Variants in NFAM1 observed in about 807,000 individuals in gnomAD.
NFAM1 encodes NFAT activating protein with ITAM motif 1.
Under a neutral mutation model 29.0 loss-of-function variants are expected in NFAM1, and 17 were observed. The observed-to-expected ratio is 0.59, with a 90% CI of 0.40 to 0.88. The LOEUF is 0.88. Among genes scored for constraint, NFAM1 ranks in the 40% least tolerant of loss-of-function variants. The pLI is 0.00. For synonymous variants in NFAM1, 175 were observed against 147.2 expected (o/e 1.19, Z -1.36); for missense variants, 324 against 344.6 (o/e 0.94, Z 0.47).
rs7288411 is a variant in NFAM1 at position 42,419,352 on chromosome 22, G to A, written c.122-7616C>T. ...AACCGGCAGGGGCTCCCTGCTGGAG[G>A]AGACCCAGGAAGGAGTCTGAAATCA... On this transcript the variant is annotated intron_variant, in intron 1 of 5. Coordinates refer to ENST00000329021, the MANE Select transcript of NFAM1 (RefSeq NM_145912.8). This position sits in a 1 kb window ranked among gnomAD's most constrained non-coding sequence, Gnocchi z 4.5. 0.4 allele frequency among the ~76,000 whole-genome samples: 60,929 copies of A among 151,826 alleles called. 12,862 individuals are homozygous for A. The highest frequency in any genetic ancestry group is 0.54 in the African/African-American group (22,329 of 41,386).
At chr22:42,436,810 C>T (rs1004864655), upstream of NFAM1, 2 of 183,440 alleles carry the variant, frequency 1.1e-5, no homozygotes, top group Middle Eastern at 2.8e-3. Context: ...GGCCACACAG[C>T]GAAGACGCAG....
chr22:42,382,927 G>A lies in NFAM1; in HGVS notation c.*2234C>T, dbSNP rs1929005731. The A allele has an allele frequency of 6.5e-6, 1 of 152,850 alleles. No homozygotes were observed. Among genetic ancestry groups the A allele is most frequent in the South Asian group, 2.1e-4 (1 of 4,848 alleles). 9.5% of individuals were successfully genotyped at this position (152,850 alleles called of 1,614,324 possible). On this transcript the variant is annotated 3_prime_UTR_variant, in exon 6 of 6. Coordinates refer to ENST00000329021, the MANE Select transcript of NFAM1 (RefSeq NM_145912.8). ...CTGGCAATGTCTCTGTCCACCAGAG[G>A]GGTGATGGGTCAGCCCCCAAGAACC...
At chr22:42,422,774 G>A (rs1425459673) in intron 1 of NFAM1, among the ~76,000 whole-genome samples, 1 of 152,092 alleles carries the variant, frequency 6.6e-6, no homozygotes, top group Non-Finnish European at 1.5e-5. Context: ...CCAAAAGGGT[G>A]AGGTTGGGTC....
At chr22:42,389,084 A>G (rs936797285) in intron 4 of NFAM1, among the ~76,000 whole-genome samples, 6 of 152,132 alleles carry the variant, frequency 3.9e-5, no homozygotes, top group African/African-American at 7.2e-5. Context: ...TCTGAGCTGG[A>G]TGATTCTGGT....
chr22:42,436,919 C>T, upstream of NFAM1: 1 of 690,686 alleles, frequency 1.4e-6, no homozygotes, highest in Non-Finnish European at 1.8e-6. Context: ...TACGCCTCAG[C>T]TGACATATTT....
chr22:42,384,797 C>A lies in NFAM1; in HGVS notation c.*364G>T. 1 of 327,464 alleles carries A rather than the reference C, an allele frequency of 3.1e-6. No individual in the cohort carries two copies. Among genetic ancestry groups the A allele is most frequent in the Non-Finnish European group, 5.8e-6 (1 of 171,488 alleles). 20.3% of individuals were successfully genotyped at this position (327,464 alleles called of 1,614,324 possible). ...GCTGCCCTACTGGCTGAGGTGCAGGCTGGTGCCAAGAGAGCATGCTGCTCT... is the reference window on the plus strand; with the variant it reads ...GCTGCCCTACTGGCTGAGGTGCAGGATGGTGCCAAGAGAGCATGCTGCTCT... On this transcript the variant is annotated 3_prime_UTR_variant, in exon 6 of 6. Transcript: ENST00000329021.
At chr22:42,392,096 C>T (rs561639148) in intron 4 of NFAM1, among the ~76,000 whole-genome samples, 2 of 152,056 alleles carry the variant, frequency 1.3e-5, no homozygotes, top group East Asian at 3.9e-4. Flanking sequence ...TCTTCAGAAC[C>T]TTGTGGCTAA....
At chr22:42,430,556 C>CAA (rs10684230) in intron 1 of NFAM1, among the ~76,000 whole-genome samples, 8,575 of 72,010 alleles carry the variant, frequency 0.12, 575 homozygotes, top group South Asian at 0.26. Flanking sequence ...GTGAAACTCT[C>CAA]AAAAAAAAAA....
upstream of NFAM1, chr22:42,437,033 G>C (rs1049866564): frequency 1.0e-6 from 1 of 983,152 alleles, no homozygotes; most frequent in Non-Finnish European, 1.2e-6. Context: ...TCAGTTTCTG[G>C]GAGGCAGCAA....
chr22:42,430,706 G>A (rs1274340733), intron 1 of NFAM1, among the ~76,000 whole-genome samples: 5 of 151,926 alleles, frequency 3.3e-5, no homozygotes, highest in African/African-American at 9.7e-5. Flanking sequence ...GGAGGGGGTG[G>A]CACTGGGAAT....
chr22:42,421,340 C>T (rs1930437283), intron 1 of NFAM1, among the ~76,000 whole-genome samples: 1 of 150,906 alleles, frequency 6.6e-6, no homozygotes, highest in African/African-American at 2.4e-5. Context: ...CCTGTAATCC[C>T]AGCTACTCGG....
At chr22:42,392,496 G>A (rs1929378502) in intron 4 of NFAM1, among the ~76,000 whole-genome samples, 1 of 152,146 alleles carries the variant, frequency 6.6e-6, no homozygotes, top group African/African-American at 2.4e-5. Flanking sequence ...GAAGGTGAGA[G>A]GGCTCTGTCA....
At chr22:42,410,725 A>C (rs7287634) in intron 2 of NFAM1, among the ~76,000 whole-genome samples, 14,064 of 151,878 alleles carry the variant, frequency 0.093, 845 homozygotes, top group African/African-American at 0.15. Context: ...TGTATTATAC[A>C]TGAGCCAAGT....
chr22:42,419,603 C>T lies in NFAM1; in HGVS notation c.122-7867G>A, dbSNP rs972046676. 6.6e-6 allele frequency among the ~76,000 whole-genome samples: 1 copy of T among 152,178 alleles called. No individual in the cohort carries two copies. The highest frequency in any genetic ancestry group is 1.5e-5 in the Non-Finnish European group (1 of 67,998). ...TTGCCTCCCAGGACCTGCACAGCCC[C>T]GCTCAGCTGCTCTCTGGCCCTCACT... is the stretch of plus-strand genomic sequence containing the variant. On this transcript the variant is annotated intron_variant, in intron 1 of 5. Coordinates refer to ENST00000329021, the MANE Select transcript of NFAM1 (RefSeq NM_145912.8). This position sits in a 1 kb window ranked among gnomAD's most constrained non-coding sequence, Gnocchi z 4.5.
rs1347708624 is a variant in NFAM1, at chr22:42,388,165, C to T, written c.664-1087G>A. ...GAGACCTCAGGATGGTAGAAAGAAC[C>T]GGGGCTTTAAAGTCAGACAAGAGTA... On this transcript the variant is annotated intron_variant, in intron 4 of 5. Coordinates refer to ENST00000329021, the MANE Select transcript of NFAM1 (RefSeq NM_145912.8). This position sits in a 1 kb window ranked among gnomAD's most constrained non-coding sequence, Gnocchi z 4.1. 6.6e-6 allele frequency among the ~76,000 whole-genome samples: 1 copy of T among 152,192 alleles called. No individual in the cohort carries two copies. The highest frequency in any genetic ancestry group is 1.5e-5 in the Non-Finnish European group (1 of 68,052).
At position 42,382,614 on chromosome 22, in the gene NFAM1, T is replaced by C; in HGVS notation, c.*2547A>G. The C allele has an allele frequency of 6.6e-6, 1 of 152,516 alleles. No individual in the cohort carries two copies. The highest frequency in any genetic ancestry group is 1.5e-5 in the Non-Finnish European group (1 of 68,224). The allele number at this position is 152,516 out of a possible 1,614,324, so 9.4% of individuals were successfully genotyped here. A position where few individuals can be genotyped will look rare whatever the true frequency, so the allele number is the denominator to read the frequency against. ...CCTCCTCCCGCCTGCCCCATGCACC[T>C]CCCACCCTGAAGTTCCCTGCCACCC... On this transcript the variant is annotated 3_prime_UTR_variant, in exon 6 of 6. Transcript: ENST00000329021.
chr22:42,410,770 T>C (rs1224167805), intron 2 of NFAM1, among the ~76,000 whole-genome samples: 1 of 151,938 alleles, frequency 6.6e-6, no homozygotes, highest in Admixed American at 6.6e-5. Flanking sequence ...AATACATACA[T>C]GCACATACCT....
chr22:42,423,112 C>CAA (rs71184892), intron 1 of NFAM1, among the ~76,000 whole-genome samples: 6 of 75,714 alleles, frequency 7.9e-5, no homozygotes, highest in Non-Finnish European at 1.3e-4. Flanking sequence ...GACTCCATCT[C>CAA]AAAAAAAAAA....
chr22:42,408,083 G>A lies in NFAM1; in HGVS notation c.564+1352C>T, dbSNP rs568890676. On this transcript the variant is annotated intron_variant, in intron 3 of 5. Transcript: ENST00000329021. ...TAATTTTTGTATTTTTAGTAGAGAT[G>A]GGATTTTGCCATGTTGGCCAGGCTG... Among the ~76,000 whole-genome samples, 4 of 152,044 alleles carry A rather than the reference G, an allele frequency of 2.6e-5. No homozygotes were observed. In the South Asian group the frequency reaches 8.3e-4, roughly 32 times the overall value.
Sources: allele counts gnomAD v4.1 joint callset (sites outside exome capture counted in the v4.1 genomes callset), GRCh38; gene constraint gnomAD v4.1.1; non-coding constraint Gnocchi (gnomAD v3.1); transcripts MANE v1.5; gene names NCBI Gene and HGNC (gene_info 2026-07-23, HGNC 2026-07-21).